The following CHI3L2 variants were observed in gnomAD, a reference collection of about 807,000 sequenced individuals.
CHI3L2 encodes the protein chitinase 3 like 2, also known as chitinase-3-like protein 2.
CHI3L2 carries 47 observed loss-of-function variants against 47.3 expected under a neutral mutation model. The observed-to-expected ratio is 0.99, with a 90% CI of 0.79 to 1.27. The LOEUF (loss-of-function observed/expected upper bound fraction) is 1.27, where lower values mean the gene tolerates loss of function less well. Ranked by LOEUF, CHI3L2 falls within the 50% of genes most tolerant of loss-of-function variation. The pLI is 0.00. For missense variants in CHI3L2, 497 were observed against 462.1 expected (o/e 1.08, Z -0.69); for synonymous variants, 198 against 169.9 (o/e 1.17, Z -1.28).
rs199749962 is a variant in CHI3L2 at position 111,235,045 on chromosome 1, T to C, written c.468T>C (p.Thr156=). 1.9e-6 allele frequency: 3 copies of C among 1,613,932 alleles called. No homozygotes were observed. The East Asian group carries it at 6.7e-5, about 36-fold the overall frequency. ...YPDQKENTHF[T]VLIHELAEAF... is the part of the protein sequence containing the mutation. ...ATCAGAAAGAAAACACTCATTTCAC[T>C]GTGCTGATTCATGTAAGTCATGAAT... Residue 156 remains threonine, a synonymous_variant, in exon 5 of 11, where the codon ACT becomes ACC. Transcript: ENST00000369748.
In CHI3L2 at chr1:111,241,360, C is replaced by A. The variant is rs13721; in HGVS notation, c.952C>A (p.Arg318=). Reference sequence around the variant, plus strand: ...GTTCCTGAAAGGAGCCAAGATCACGCGGCTCCAGGATCAGCAGGTTCCCTA... The same window carrying A: ...GTTCCTGAAAGGAGCCAAGATCACGAGGCTCCAGGATCAGCAGGTTCCCTA... ...CQFLKGAKIT[R]LQDQQVPYAV... The change falls in exon 9 of 11, where the codon CGG becomes AGG. Residue 318 remains arginine (R), a synonymous_variant. Coordinates refer to ENST00000369748, the MANE Select transcript of CHI3L2 (RefSeq NM_004000.3). The A allele has an allele frequency of 0.31, 486,190 of 1,591,004 alleles. 79,171 individuals carry two copies. Among genetic ancestry groups the A allele is most frequent in the Non-Finnish European group, 0.33 (387,815 of 1,158,688 alleles).
chr1:111,231,301 C>T lies in CHI3L2; in HGVS notation c.329+7C>T, dbSNP rs1411376930. The T allele has an allele frequency of 1.3e-6, 2 of 1,593,380 alleles. No homozygotes were observed. The highest frequency in any genetic ancestry group is 4.5e-5 in the East Asian group (2 of 44,750). ...ACCTGTTTGGTTCCAAAGGGTAAGA[C>T]TACATCTTTATTTTTTGTTCATTTC... On this transcript the variant is annotated splice_region_variant and intron_variant, in intron 4 of 10. Transcript: ENST00000369748.
At chr1:111,243,162 C>T (rs1327283857) in intron 10 of CHI3L2, 55 bp from the exon 11 acceptor site, 1 of 455,934 alleles carries the variant, frequency 2.2e-6, no homozygotes. Context: ...AGTAACTTGA[C>T]TTAGGCCTCA....
At chr1:111,241,887 T>G (rs5003370) in intron 9 of CHI3L2, among the ~76,000 whole-genome samples, 37,829 of 152,050 alleles carry the variant, frequency 0.25, 5,542 homozygotes, top group Non-Finnish European at 0.34. Context: ...GTTCCTTTCA[T>G]GGTTAGAACA....
Position 111,234,887 on chromosome 1 carries a change from C to T in CHI3L2, c.330-20C>T. On this transcript the variant is annotated intron_variant, in intron 4 of 10. Transcript: ENST00000369748. ...GTTACTTGTTCTTTCCAAAAAGACA[C>T]TCGTATTGCTTCTTTCCAGGTTCCA... is the stretch of plus-strand genomic sequence containing the variant. The T allele has an allele frequency of 6.2e-7, 1 of 1,612,246 alleles. No homozygotes were observed. Among genetic ancestry groups the T allele is most frequent in the Non-Finnish European group, 8.5e-7 (1 of 1,178,804 alleles).
chr1:111,229,910 G>A (rs1463711927), intron 2 of CHI3L2, 29 bp downstream of exon 2: 1 of 1,613,234 alleles, frequency 6.2e-7, no homozygotes, highest in Admixed American at 1.7e-5. Context: ...ACTACCGCCT[G>A]GATCTCCTGG....
intron 5 of CHI3L2, 135 bp from the exon 6 acceptor site, chr1:111,235,504 C>A: frequency 9.8e-7 from 1 of 1,023,130 alleles, no homozygotes; most frequent in Non-Finnish European, 1.4e-6. Context: ...AAGGCATCCC[C>A]ATGTGGGGTG....
intron 5 of CHI3L2, 134 bp downstream of exon 5, chr1:111,235,191 C>A (rs1421809511): frequency 4.7e-6 from 4 of 845,216 alleles, no homozygotes; most frequent in Non-Finnish European, 7.1e-6. Flanking sequence ...CTTTCTGAAG[C>A]TCCCACTAAT....
intron 8 of CHI3L2, 21 bp downstream of exon 8, chr1:111,238,953 C>T: frequency 6.4e-7 from 1 of 1,552,912 alleles, no homozygotes; most frequent in Non-Finnish European, 8.7e-7. Flanking sequence ...ACCCCCTGTA[C>T]CCTCAGCTCC....
rs1187270396 is a variant in CHI3L2 at position 111,236,132 on chromosome 1, G to A, written c.714G>A (p.Gly238=). 2.5e-6 allele frequency: 4 copies of A among 1,614,042 alleles called. No homozygotes were observed. The Admixed American group carries it at 5.0e-5, about 20-fold the overall frequency. The change falls in exon 7 of 11, where the codon GGG becomes GGA. Residue 238 remains glycine (G), a synonymous_variant. Transcript: ENST00000369748. ...TGAGCAAGGGGTGGCAGGACAGAGGGCCAAGCTCCTACTACAATGTGGTGA... is the reference window on the plus strand; with the variant it reads ...TGAGCAAGGGGTGGCAGGACAGAGGACCAAGCTCCTACTACAATGTGGTGA... The part of the protein sequence containing the change: ...SPLSKGWQDR[G]PSSYYNVEYA...
In CHI3L2 at chr1:111,235,032, A is replaced by G; in HGVS notation, c.455A>G (p.Asn152Ser). The change falls in exon 5 of 11, where the codon AAC becomes AGC. Residue 152 changes from asparagine to serine, a missense_variant. Transcript: ENST00000369748. ...TGGATCTACCCAGATCAGAAAGAAA[A>G]CACTCATTTCACTGTGCTGATTCAT... ...VSWIYPDQKENTHFTVLIHEL... is the reference protein window; with the variant it reads ...VSWIYPDQKESTHFTVLIHEL... The G allele has an allele frequency of 6.2e-7, 1 of 1,614,092 alleles. No individual in the cohort carries two copies. The highest frequency in any genetic ancestry group is 1.1e-5 in the South Asian group (1 of 91,086).
chr1:111,242,372 A>T lies in CHI3L2; in HGVS notation c.*2+6A>T. On this transcript the variant is annotated splice_donor_region_variant and intron_variant, in intron 10 of 10. Coordinates refer to ENST00000369748, the MANE Select transcript of CHI3L2 (RefSeq NM_004000.3). The stretch of plus-strand genomic sequence containing the variant: ...AGCCTTGGCTCCCTGTGAAGGTAAC[A>T]GTCCAGGCTGGAGCTGGGAGTGGGC... 6.3e-7 allele frequency: 1 copy of T among 1,593,468 alleles called. No individual in the cohort carries two copies. The highest frequency in any genetic ancestry group is 2.2e-5 in the East Asian group (1 of 44,632).
intron 1 of CHI3L2, among the ~76,000 whole-genome samples, chr1:111,228,740 G>C (rs1441210388): frequency 6.6e-6 from 1 of 152,126 alleles, no homozygotes; most frequent in East Asian, 1.9e-4. Flanking sequence ...CTCCTTTTTG[G>C]CTGCCCCTTT....
chr1:111,230,726 C>T lies in CHI3L2; in HGVS notation c.71-16C>T, dbSNP rs12134920. 11,642 of 1,611,398 alleles carry T rather than the reference C, an allele frequency of 7.2e-3. 44 individuals are homozygous for T. The highest frequency in any genetic ancestry group is 8.7e-3 in the Non-Finnish European group (10,247 of 1,177,594). On this transcript the variant is annotated splice_polypyrimidine_tract_variant and intron_variant, in intron 2 of 10. Coordinates refer to ENST00000369748, the MANE Select transcript of CHI3L2 (RefSeq NM_004000.3). ...ACAGCCCTAGAGTCTCACTGGCTCT[C>T]TTCACTCTACTCCAGGATCTGCCTA... is the stretch of plus-strand genomic sequence containing the variant.
intron 4 of CHI3L2, among the ~76,000 whole-genome samples, chr1:111,231,840 G>T (rs1659732284): frequency 6.6e-6 from 1 of 152,214 alleles, no homozygotes; most frequent in East Asian, 1.9e-4. Context: ...TTGATACAAA[G>T]CACACATTCG....
In CHI3L2 at chr1:111,235,763, A is replaced by C. The variant is rs763579797; in HGVS notation, c.605A>C (p.Lys202Thr). 6.2e-7 allele frequency: 1 copy of C among 1,613,636 alleles called. No individual in the cohort carries two copies. The highest frequency in any genetic ancestry group is 1.3e-5 in the African/African-American group (1 of 75,018). Residue 202 changes from lysine (K) to threonine (T), a missense_variant and splice_region_variant, in exon 6 of 11, where the codon AAA (lysine) becomes ACA (threonine). Transcript: ENST00000369748. The part of the protein sequence containing the change: ...DNSYQVEKLA[K>T]DLDFINLLSF... ...AGCTATCAAGTTGAGAAACTGGCAA[A>C]GTGAGTACATCAGAGCAACTTTCCA...
rs1659859038 is a variant in CHI3L2, at chr1:111,235,664, AC to A, written c.507del (p.Phe170SerfsTer11). Reference sequence around the variant, plus strand: ...GAGTTAGCAGAAGCCTTTCAGAAGGACTTCACAAAATCCACCAAGGAAAGGC... The same window carrying A: ...GAGTTAGCAGAAGCCTTTCAGAAGGATTCACAAAATCCACCAAGGAAAGGC... ...IHELAEAFQK[D>X]FTKSTKERLL... On this transcript the variant is annotated frameshift_variant, in exon 6 of 11. Coordinates refer to ENST00000369748, the MANE Select transcript of CHI3L2 (RefSeq NM_004000.3). LOFTEE classifies it high-confidence loss of function. 6.2e-7 allele frequency: 1 copy of A among 1,613,984 alleles called. No individual in the cohort carries two copies. Among genetic ancestry groups the A allele is most frequent in the South Asian group, 1.1e-5 (1 of 91,066 alleles).
intron 8 of CHI3L2, among the ~76,000 whole-genome samples, chr1:111,240,286 C>T (rs1272570402): frequency 6.6e-6 from 1 of 152,186 alleles, no homozygotes; most frequent in African/African-American, 2.4e-5. Flanking sequence ...CTTCATCTTA[C>T]ACATAGGAAT....
At chr1:111,229,681 CAAA>C (rs997929124) in intron 1 of CHI3L2, 168 bp from the exon 2 acceptor site, 5,474 of 386,084 alleles carry the variant, frequency 0.014, no homozygotes, top group Middle Eastern at 0.025. Context: ...GACTCCGTCT[CAAA>C]AAAAAAAAAA....
Sources: allele counts gnomAD v4.1 joint callset (sites outside exome capture counted in the v4.1 genomes callset), GRCh38; gene constraint gnomAD v4.1.1; transcripts MANE v1.5; gene names NCBI Gene and HGNC (gene_info 2026-07-23, HGNC 2026-07-21).